The following CLVS1 variants were observed in gnomAD, a reference collection of about 807,000 sequenced individuals.
CLVS1 encodes the protein clavesin-1.
CLVS1 carries 10 observed loss-of-function variants against 33.1 expected under a neutral mutation model. The observed-to-expected ratio is 0.30, with a 90% confidence interval of 0.19 to 0.51. The LOEUF (loss-of-function observed/expected upper bound fraction) is 0.51, where lower values mean the gene tolerates loss of function less well. Among genes scored for constraint, CLVS1 ranks in the 20% least tolerant of loss-of-function variants. The pLI, the probability that CLVS1 is intolerant of heterozygous loss-of-function variation, is 0.97. For synonymous variants in CLVS1, 163 were observed against 166.1 expected, an observed-to-expected ratio of 0.98 and a Z score of 0.14; for missense variants, 343 against 433.4, an observed-to-expected ratio of 0.79 and a Z score of 1.85.
At chr8:61,092,741 A>G (rs1211835402) in intron 1 of CLVS1, among the ~76,000 whole-genome samples, 1 of 152,238 alleles carries the variant, frequency 6.6e-6, no homozygotes, top group Non-Finnish European at 1.5e-5. Context: ...TGAATAATCC[A>G]TGATGATGTT....
chr8:61,416,034 T>A (rs1468736262), intron 3 of CLVS1, among the ~76,000 whole-genome samples: 1 of 152,162 alleles, frequency 6.6e-6, no homozygotes, highest in Non-Finnish European at 1.5e-5. Flanking sequence ...GTGGGCTGAC[T>A]GGGGGTTCCC....
intron 2 of CLVS1, among the ~76,000 whole-genome samples, chr8:61,159,975 C>A (rs1164199762): frequency 6.6e-6 from 1 of 152,164 alleles, no homozygotes; most frequent in Non-Finnish European, 1.5e-5. Flanking sequence ...AGTTCTTCTC[C>A]ACCCAGGCTT....
intron 2 of CLVS1, among the ~76,000 whole-genome samples, chr8:61,139,334 C>T (rs1585637678): frequency 1.3e-5 from 2 of 152,202 alleles, no homozygotes; most frequent in African/African-American, 4.8e-5. Flanking sequence ...CCCTTTCTGC[C>T]GGGTGTGGGC....
At chr8:61,280,221 G>A (rs3907365) in intron 2 of CLVS1, among the ~76,000 whole-genome samples, 5,824 of 152,198 alleles carry the variant, frequency 0.038, 160 homozygotes, top group Non-Finnish European at 0.06. Context: ...CTGATATTTG[G>A]TATTGATGAG....
chr8:61,354,495 AT>A (rs1404181569), intron 2 of CLVS1, among the ~76,000 whole-genome samples: 1 of 152,110 alleles, frequency 6.6e-6, no homozygotes, highest in East Asian at 1.9e-4. Flanking sequence ...TCTCAGATAA[AT>A]AAAAACCTAT....
chr8:61,253,442 T>G (rs1808996857), intron 2 of CLVS1, among the ~76,000 whole-genome samples: 1 of 152,208 alleles, frequency 6.6e-6, no homozygotes, highest in East Asian at 1.9e-4. Flanking sequence ...GCATTCTCTG[T>G]ATTTCCTGAA....
chr8:61,334,336 C>A (rs146342125), intron 2 of CLVS1, among the ~76,000 whole-genome samples: 1 of 152,070 alleles, frequency 6.6e-6, no homozygotes, highest in African/African-American at 2.4e-5. Context: ...TCAGTGGGGA[C>A]GAGAAGTTTA....
In CLVS1 at chr8:61,165,020, A is replaced by T. The variant is rs897508637; in HGVS notation, c.-152+33160A>T. On this transcript the variant is annotated intron_variant, in intron 2 of 2. Coordinates refer to the CLVS1 transcript ENST00000522621. ...GAATGGAATCTTGGGCCATGCAGTG[A>T]GTGTTATAGCTCTATTAGAAGCCGT... is the stretch of plus-strand genomic sequence containing the variant. 5.3e-5 allele frequency among the ~76,000 whole-genome samples: 8 copies of T among 152,258 alleles called. No homozygotes were observed. In the South Asian group the frequency reaches 1.2e-3, roughly 24 times the overall value.
the CLVS1 span, among the ~76,000 whole-genome samples, chr8:60,971,845 C>T: frequency 6.6e-6 from 1 of 152,050 alleles, no homozygotes; most frequent in African/African-American, 2.4e-5. Context: ...ATCACCCCCA[C>T]CCCCACCTTC....
At chr8:61,052,787 C>T (rs1804408173), upstream of CLVS1, among the ~76,000 whole-genome samples, 1 of 152,134 alleles carries the variant, frequency 6.6e-6, no homozygotes, top group Admixed American at 6.5e-5. Flanking sequence ...CACTTCAGGG[C>T]TTTGACAAGA....
chr8:61,131,656 C>G (rs1427129993), intron 1 of CLVS1: 2 of 150,038 alleles, frequency 1.3e-5, no homozygotes, highest in Non-Finnish European at 3.0e-5. Flanking sequence ...AAAGAACTTC[C>G]TTTTCTAGGG....
intron 3 of CLVS1, among the ~76,000 whole-genome samples, chr8:61,452,151 C>T (rs745422341): frequency 2.6e-5 from 4 of 152,140 alleles, no homozygotes; most frequent in Non-Finnish European, 4.4e-5. Context: ...TTTCTTTCAA[C>T]CTCCCCTGAC....
At chr8:60,998,926 A>C in the CLVS1 span, among the ~76,000 whole-genome samples, 2 of 152,140 alleles carry the variant, frequency 1.3e-5, no homozygotes, top group Non-Finnish European at 1.5e-5. Context: ...GTGCTACAAA[A>C]CACATTGAGG....
intron 2 of CLVS1, among the ~76,000 whole-genome samples, chr8:61,254,432 T>C (rs1272508704): frequency 6.6e-6 from 1 of 152,164 alleles, no homozygotes; most frequent in East Asian, 1.9e-4. Flanking sequence ...GGAGATCCAC[T>C]ACTCTCTTCA....
chr8:61,209,269 T>G (rs1302696575), intron 2 of CLVS1, among the ~76,000 whole-genome samples: 1 of 152,198 alleles, frequency 6.6e-6, no homozygotes, highest in East Asian at 1.9e-4. Flanking sequence ...GGGCTAAGCT[T>G]GTTTTCTTGG....
At chr8:61,474,061 CAGAG>C (rs766141752) in intron 5 of CLVS1, among the ~76,000 whole-genome samples, 12 of 152,208 alleles carry the variant, frequency 7.9e-5, no homozygotes, top group Admixed American at 4.6e-4. Context: ...GGAGAACTCT[CAGAG>C]AGAGCTTGTA....
intron 2 of CLVS1, among the ~76,000 whole-genome samples, chr8:61,314,713 A>C (rs1358242619): frequency 6.6e-6 from 1 of 152,186 alleles, no homozygotes; most frequent in African/African-American, 2.4e-5. Flanking sequence ...CTCTGTTCCC[A>C]GCTACATGAC....
At chr8:61,439,825 A>G (rs1816474340) in intron 3 of CLVS1, among the ~76,000 whole-genome samples, 2 of 152,056 alleles carry the variant, frequency 1.3e-5, no homozygotes, top group African/African-American at 2.4e-5. Context: ...AATAGAGATT[A>G]TCTATAAATT....
chr8:61,500,251 T>TGTGA lies in CLVS1; in HGVS notation c.*712_*715dup, dbSNP rs1465607731. ...AAATACGATTATTTCATCTGAGCAATGTGAGTTACCACAGGCAGCTCAAAA... is the reference window on the plus strand; with the variant it reads ...AAATACGATTATTTCATCTGAGCAATGTGAGTGAGTTACCACAGGCAGCTCAAAA... On this transcript the variant is annotated 3_prime_UTR_variant, in exon 6 of 6. Transcript: ENST00000325897. 1.3e-5 allele frequency: 2 copies of TGTGA among 152,268 alleles called. No homozygotes were observed. Among genetic ancestry groups the TGTGA allele is most frequent in the African/African-American group, 2.4e-5 (1 of 41,454 alleles). 9.4% of individuals were successfully genotyped at this position (152,268 alleles called of 1,614,324 possible). A position where few individuals can be genotyped will look rare whatever the true frequency, so the allele number is the denominator to read the frequency against.
Sources: gnomAD v4.1 joint callset for allele counts (sites outside exome capture counted in the v4.1 genomes callset) on GRCh38, gnomAD v4.1.1 for gene constraint, MANE v1.5 for transcripts, NCBI Gene and HGNC (gene_info 2026-07-23, HGNC 2026-07-21) for gene names.